Variants in CCDC102B observed in about 807,000 individuals in gnomAD.
The protein encoded by CCDC102B is coiled-coil domain containing 102B.
CCDC102B carries 75 observed loss-of-function variants against 57.4 expected under a neutral mutation model. The observed-to-expected ratio is 1.31, with a 90% CI of 1.08 to 1.58. The LOEUF (loss-of-function observed/expected upper bound fraction) is 1.58, where lower values mean the gene tolerates loss of function less well. CCDC102B is among the 40% of genes most tolerant of loss of function. The probability of loss-of-function intolerance (pLI) is 0.00; values close to 1 mark genes in which losing one functional copy is unlikely to be tolerated. For missense variants in CCDC102B, 636 were observed against 582.6 expected (o/e 1.09, Z -0.94); for synonymous variants, 206 against 201.9 (o/e 1.02, Z -0.17).
rs201125208 is a variant in CCDC102B, at chr18:68,828,686, G to GA, written c.-15-8058dup. The stretch of plus-strand genomic sequence containing the variant: ...CACAGGAAACTTAGAAAAAAACTTA[G>GA]AAAAACAATTCAAATATATTTGAAT... On this transcript the variant is annotated intron_variant, in intron 1 of 7. Coordinates refer to ENST00000360242, the MANE Select transcript of CCDC102B (RefSeq NM_024781.3). Among the ~76,000 whole-genome samples, 555 of 151,286 alleles carry GA rather than the reference G, an allele frequency of 3.7e-3. 2 individuals carry two copies. The highest frequency in any genetic ancestry group is 0.017 in the East Asian group (86 of 5,152).
intron 7 of CCDC102B, 98 bp downstream of exon 7, chr18:69,011,202 G>A (rs2051506613): frequency 8.5e-6 from 9 of 1,063,512 alleles, no homozygotes; most frequent in African/African-American, 1.6e-5. Context: ...GGCATTAATG[G>A]GATATAAATA....
chr18:68,774,764 A>G (rs901249974), intron 2 of CCDC102B, among the ~76,000 whole-genome samples: 17 of 151,952 alleles, frequency 1.1e-4, no homozygotes, highest in African/African-American at 4.1e-4. Flanking sequence ...CAAAGTTGAA[A>G]CTACAAAAGA....
chr18:68,796,521 C>G (rs2035633661), upstream of CCDC102B, among the ~76,000 whole-genome samples: 1 of 151,964 alleles, frequency 6.6e-6, no homozygotes, highest in Non-Finnish European at 1.5e-5. Flanking sequence ...ATTTGGGAGT[C>G]ATCTAAAAAG....
In CCDC102B at chr18:68,897,245, C is replaced by G; in HGVS notation, c.1080C>G (p.Thr360=). ...AELERLQAEN[T]SEWDKREILE... Reference sequence around the variant, plus strand: ...TAGAGAGATTGCAAGCTGAAAATACCTCGGAGTGGGACAAGAGGGAAATAC... The same window carrying G: ...TAGAGAGATTGCAAGCTGAAAATACGTCGGAGTGGGACAAGAGGGAAATAC... The change falls in exon 6 of 8, where the codon ACC becomes ACG. Residue 360 remains threonine, a synonymous_variant. Coordinates refer to ENST00000360242, the MANE Select transcript of CCDC102B (RefSeq NM_024781.3). 1 of 1,612,420 alleles carries G rather than the reference C, an allele frequency of 6.2e-7. No individual in the cohort carries two copies. Among genetic ancestry groups the G allele is most frequent in the Non-Finnish European group, 8.5e-7 (1 of 1,179,030 alleles).
chr18:69,054,693 G>GA lies in CCDC102B; in HGVS notation c.*562dup, dbSNP rs2052785982. ...AAAACAGAAGTGAGCAGATGAATCA[G>GA]AAAAAAGTGTTTTGTATTTTAAAGT... is the stretch of plus-strand genomic sequence containing the variant. On this transcript the variant is annotated 3_prime_UTR_variant, in exon 8 of 8. Transcript: ENST00000360242. The GA allele has an allele frequency of 1.2e-5, 12 of 983,652 alleles. No homozygotes were observed. The highest frequency in any genetic ancestry group is 1.7e-5 in the African/African-American group (1 of 57,178). The allele number at this position is 983,652 out of a possible 1,614,324, so 60.9% of individuals were successfully genotyped here.
chr18:68,909,786 T>G (rs771332414), intron 6 of CCDC102B, among the ~76,000 whole-genome samples: 1 of 152,168 alleles, frequency 6.6e-6, no homozygotes, highest in Non-Finnish European at 1.5e-5. Context: ...TGCAGCAGGA[T>G]CAGATCACAT....
At chr18:68,985,336 G>A (rs981567330) in intron 6 of CCDC102B, among the ~76,000 whole-genome samples, 6 of 151,914 alleles carry the variant, frequency 3.9e-5, no homozygotes, top group East Asian at 1.9e-4. Flanking sequence ...AGTATACATC[G>A]TTGATACTGA....
At chr18:68,821,644 C>T (rs1209566410) in intron 1 of CCDC102B, among the ~76,000 whole-genome samples, 1 of 151,594 alleles carries the variant, frequency 6.6e-6, no homozygotes, top group Admixed American at 6.6e-5. Flanking sequence ...CTTTCTTTTC[C>T]TTCTTTTCTT....
chr18:69,043,633 A>T (rs1438709012), intron 7 of CCDC102B, among the ~76,000 whole-genome samples: 1 of 152,048 alleles, frequency 6.6e-6, no homozygotes, highest in East Asian at 1.9e-4. Context: ...CACCGCCCTT[A>T]ATCCATTTAA....
intron 6 of CCDC102B, among the ~76,000 whole-genome samples, chr18:68,954,772 T>C (rs1156385401): frequency 6.6e-6 from 1 of 152,224 alleles, no homozygotes; most frequent in East Asian, 1.9e-4. Flanking sequence ...AATGCTCAAG[T>C]GATTTTCATT....
chr18:68,801,900 A>G (rs959516231), intron 1 of CCDC102B, among the ~76,000 whole-genome samples: 1 of 152,182 alleles, frequency 6.6e-6, no homozygotes, highest in East Asian at 1.9e-4. Context: ...TCTGCAAAAG[A>G]TCAAATAGTC....
chr18:68,817,604 C>T (rs1054748512), intron 1 of CCDC102B, among the ~76,000 whole-genome samples: 1 of 152,188 alleles, frequency 6.6e-6, no homozygotes, highest in Non-Finnish European at 1.5e-5. Context: ...CAGGCCCAGA[C>T]AATCTTGTTG....
intron 6 of CCDC102B, among the ~76,000 whole-genome samples, chr18:68,983,633 A>G (rs2050651352): frequency 6.6e-6 from 1 of 152,018 alleles, no homozygotes; most frequent in Non-Finnish European, 1.5e-5. Flanking sequence ...AAAAGTTTGA[A>G]AAAAAATATT....
chr18:68,897,426 C>T lies in CCDC102B; in HGVS notation c.1261C>T (p.Gln421Ter), dbSNP rs2040280874. Residue 421 changes from glutamine (Q) to a stop codon, truncating the protein, a stop_gained and splice_region_variant, in exon 6 of 8, where the codon CAG becomes TAG. Coordinates refer to ENST00000360242, the MANE Select transcript of CCDC102B (RefSeq NM_024781.3). LOFTEE classifies it high-confidence loss of function. Reference protein sequence around the residue: ...MSQIDLQEKNQELLNLQHAYY... With the variant: ...MSQIDLQEKN ...ACAAATTGATCTGCAAGAAAAAAAC[C>T]AGGTATGGGTGCTCCTTGGAGCAAA... is the stretch of plus-strand genomic sequence containing the variant. The T allele has an allele frequency of 6.2e-7, 1 of 1,609,908 alleles. No homozygotes were observed. Among genetic ancestry groups the T allele is most frequent in the Non-Finnish European group, 8.5e-7 (1 of 1,178,096 alleles).
chr18:68,899,425 CTATA>C (rs142222036), intron 6 of CCDC102B, among the ~76,000 whole-genome samples: 1 of 146,798 alleles, frequency 6.8e-6, no homozygotes, highest in Non-Finnish European at 1.5e-5. Flanking sequence ...TACCATGGTG[CTATA>C]TATATATATA....
At chr18:68,718,201 A>G (rs1009248713) in intron 2 of CCDC102B, 2 of 152,260 alleles carry the variant, frequency 1.3e-5, no homozygotes, top group African/African-American at 4.8e-5. Context: ...ACCAAAAGTC[A>G]TATACAAGAA....
chr18:68,900,960 G>A (rs1047808383), intron 6 of CCDC102B, among the ~76,000 whole-genome samples: 1 of 152,118 alleles, frequency 6.6e-6, no homozygotes, highest in African/African-American at 2.4e-5. Flanking sequence ...ACCAGATAAC[G>A]TTGTCCCACA....
At chr18:68,930,759 T>G (rs1235879781) in intron 6 of CCDC102B, among the ~76,000 whole-genome samples, 1 of 151,956 alleles carries the variant, frequency 6.6e-6, no homozygotes, top group Non-Finnish European at 1.5e-5. Context: ...GAATTTTGGA[T>G]GGTTGCTTTA....
Position 68,902,877 on chromosome 18 carries a change from T to C in CCDC102B, c.1263+5449T>C, listed in dbSNP as rs185807177. Among the ~76,000 whole-genome samples, 17 of 152,306 alleles carry C rather than the reference T, an allele frequency of 1.1e-4. No individual in the cohort carries two copies. In the South Asian group the frequency reaches 1.7e-3, roughly 15 times the overall value. ...ATTTGATTAGTATCTCTATTGTATG[T>C]GACTAGGAGATGGATGAAGGATTGC... On this transcript the variant is annotated intron_variant, in intron 6 of 7. Coordinates refer to ENST00000360242, the MANE Select transcript of CCDC102B (RefSeq NM_024781.3).
Sources: allele counts gnomAD v4.1 joint callset (sites outside exome capture counted in the v4.1 genomes callset), GRCh38; gene constraint gnomAD v4.1.1; transcripts MANE v1.5; gene names NCBI Gene and HGNC (gene_info 2026-07-23, HGNC 2026-07-21).